Variants in MGRN1 observed in about 807,000 individuals in gnomAD.
MGRN1 encodes the protein mahogunin ring finger 1, also known as E3 ubiquitin-protein ligase MGRN1.
In MGRN1, 29 loss-of-function variants were observed where a neutral mutation model predicts 69.2. The observed-to-expected ratio is 0.42, with a 90% CI of 0.31 to 0.57. The LOEUF is 0.57. Among genes scored for constraint, MGRN1 ranks in the 20% least tolerant of loss-of-function variants. The probability of loss-of-function intolerance (pLI) is 0.15; values close to 1 mark genes in which losing one functional copy is unlikely to be tolerated. For synonymous variants in MGRN1, 470 were observed against 344.2 expected (o/e 1.37, Z -4.04); for missense variants, 998 against 796.2 (o/e 1.25, Z -3.05).
At chr16:4,644,302 C>A (rs1342893474) in intron 1 of MGRN1, among the ~76,000 whole-genome samples, 2 of 143,378 alleles carry the variant, frequency 1.4e-5, no homozygotes, top group African/African-American at 5.3e-5. Context: ...CCCTCAATTA[C>A]CAGTTTTTTT....
intron 4 of MGRN1, among the ~76,000 whole-genome samples, chr16:4,653,466 C>A (rs1252029882): frequency 1.3e-5 from 2 of 152,134 alleles, no homozygotes; most frequent in African/African-American, 4.8e-5. Flanking sequence ...GGCTGAAATT[C>A]AGTTCCAGGT....
At chr16:4,671,522 A>T in intron 9 of MGRN1, 63 bp downstream of exon 9, 1 of 1,491,538 alleles carries the variant, frequency 6.7e-7, no homozygotes, top group South Asian at 1.1e-5. Context: ...GCAGCCGCGG[A>T]CAGCAATGCT....
chr16:4,672,155 C>G (rs1419871694), intron 9 of MGRN1, among the ~76,000 whole-genome samples: 2 of 152,170 alleles, frequency 1.3e-5, no homozygotes, highest in Non-Finnish European at 2.9e-5. Context: ...CCACCCTCCT[C>G]GGCCTCCCAA....
rs1255278998 is a variant in MGRN1 at position 4,673,601 on chromosome 16, C to T, written c.899C>T (p.Thr300Ile). ...CCCTGCCGCCACCTGTGCCTCTGTA[C>T]CTCCTGCGCCGACACGCTGCGCTAC... ...ILPCRHLCLC[T>I]SCADTLRYQA... The change falls in exon 10 of 17, where the codon ACC becomes ATC. Residue 300 changes from threonine to isoleucine, a missense_variant. Physicochemically the swap from Thr to Ile is moderately conservative, Grantham distance 89. Transcript: ENST00000262370. 4 of 1,613,638 alleles carry T rather than the reference C, an allele frequency of 2.5e-6. No homozygotes were observed. Among genetic ancestry groups the T allele is most frequent in the Non-Finnish European group, 3.4e-6 (4 of 1,179,958 alleles).
chr16:4,670,978 A>G (rs2078924872), intron 8 of MGRN1, among the ~76,000 whole-genome samples: 1 of 152,224 alleles, frequency 6.6e-6, no homozygotes, highest in South Asian at 2.1e-4. Context: ...CTTTGAAACC[A>G]GAGAGGCTTC....
chr16:4,673,695 G>A, intron 10 of MGRN1, 38 bp downstream of exon 10: 1 of 1,606,098 alleles, frequency 6.2e-7, no homozygotes, highest in Non-Finnish European at 8.5e-7. Context: ...GAAGGTTCTG[G>A]AAATTAGGGA....
chr16:4,664,827 A>C (rs1385504293), intron 6 of MGRN1, 52 bp downstream of exon 6: 1 of 1,601,616 alleles, frequency 6.2e-7, no homozygotes, highest in Admixed American at 1.7e-5. Flanking sequence ...GCAGGGAGGA[A>C]GCACGTCTTG....
Position 4,679,696 on chromosome 16 carries a change from C to T in MGRN1, c.1066-336C>T, listed in dbSNP as rs1022754778. On this transcript the variant is annotated intron_variant, in intron 11 of 16. Coordinates refer to ENST00000262370, the MANE Select transcript of MGRN1 (RefSeq NM_015246.4). ...GGATCTCCACCCTGCACCCAGCCTG[C>T]ATTAGGCAGCGTTCAGCTGCCCTCA... Among the ~76,000 whole-genome samples the T allele has an allele frequency of 9.2e-5, 14 of 152,276 alleles. No individual in the cohort carries two copies. The East Asian group carries it at 1.5e-3, about 17-fold the overall frequency.
chr16:4,675,507 G>A (rs918379728), intron 10 of MGRN1, among the ~76,000 whole-genome samples: 5 of 152,170 alleles, frequency 3.3e-5, no homozygotes, highest in East Asian at 1.9e-4. Context: ...GGGAGGTCAA[G>A]GCAGGAGGAT....
chr16:4,662,679 G>A (rs1196355026), intron 5 of MGRN1, among the ~76,000 whole-genome samples: 1 of 152,222 alleles, frequency 6.6e-6, no homozygotes, highest in Non-Finnish European at 1.5e-5. Context: ...AAGAAGCCGA[G>A]GCTCGGAGGG....
At chr16:4,686,671 G>T in intron 16 of MGRN1, 1 of 1,096,588 alleles carries the variant, frequency 9.1e-7, no homozygotes, top group Non-Finnish European at 1.1e-6. Context: ...CTTGAGGGAT[G>T]AGGGCAGCAC....
chr16:4,666,039 C>G (rs2078797074), intron 7 of MGRN1, among the ~76,000 whole-genome samples: 1 of 151,924 alleles, frequency 6.6e-6, no homozygotes, highest in East Asian at 1.9e-4. Flanking sequence ...ACTGTGCTAG[C>G]CAGGATGGTC....
intron 1 of MGRN1, chr16:4,650,079 G>C: frequency 4.2e-6 from 1 of 237,582 alleles, no homozygotes; most frequent in Non-Finnish European, 8.1e-6. Flanking sequence ...GAGGCGGGCG[G>C]ATTACCTGAG....
intron 16 of MGRN1, 36 bp from the exon 17 acceptor site, chr16:4,688,760 C>CAGG (rs1596324973): frequency 7.3e-6 from 11 of 1,516,192 alleles, no homozygotes; most frequent in Middle Eastern, 1.7e-4. Context: ...ACCAGGCATC[C>CAGG]GAGTGTGACC....
intron 5 of MGRN1, among the ~76,000 whole-genome samples, chr16:4,660,036 C>A (rs568786458): frequency 3.9e-4 from 60 of 152,332 alleles, no homozygotes; most frequent in African/African-American, 1.4e-3. Flanking sequence ...GAGGGAGACG[C>A]TTCCCCGAAG....
rs1363974065 is a variant in MGRN1, at chr16:4,687,350, A to G, written c.1619-1446A>G. 1.5e-5 allele frequency: 14 copies of G among 960,184 alleles called. 1 individual carries two copies. Among genetic ancestry groups the G allele is most frequent in the Non-Finnish European group, 1.7e-5 (14 of 807,076 alleles). 59.5% of individuals were successfully genotyped at this position (960,184 alleles called of 1,614,324 possible). On this transcript the variant is annotated intron_variant, in intron 16 of 16. Coordinates refer to ENST00000262370, the MANE Select transcript of MGRN1 (RefSeq NM_015246.4). ...GATCACTTGAGCCCAGGAATTCAAG[A>G]TCAGTGTAGAAAACATAGACCCCCT... is the stretch of plus-strand genomic sequence containing the variant.
At chr16:4,678,291 A>T (rs535119424) in intron 11 of MGRN1, among the ~76,000 whole-genome samples, 1 of 144,102 alleles carries the variant, frequency 6.9e-6, no homozygotes, top group Admixed American at 6.9e-5. Context: ...AACACAAGGG[A>T]GGTGGAACCC....
chr16:4,630,572 T>A (rs1897949399), intron 1 of MGRN1, among the ~76,000 whole-genome samples: 1 of 151,484 alleles, frequency 6.6e-6, no homozygotes, highest in Non-Finnish European at 1.5e-5. Context: ...CTCAGCCTAC[T>A]GAGTAGCTGA....
chr16:4,663,213 G>A (rs928446528), intron 5 of MGRN1, among the ~76,000 whole-genome samples: 13 of 151,982 alleles, frequency 8.6e-5, no homozygotes, highest in East Asian at 1.9e-4. Context: ...ACAGGCATGC[G>A]TCACCATGCT....
Sources: gnomAD v4.1 joint callset for allele counts (sites outside exome capture counted in the v4.1 genomes callset) on GRCh38, gnomAD v4.1.1 for gene constraint, MANE v1.5 for transcripts, NCBI Gene and HGNC (gene_info 2026-07-23, HGNC 2026-07-21) for gene names.